IPO4: variants seen among roughly 807,000 people sequenced by gnomAD.
The protein encoded by IPO4 is importin-4.
In IPO4, 91 loss-of-function variants were observed where a neutral mutation model predicts 133.5. The ratio of observed to expected loss-of-function variants is 0.68; its 90% CI spans 0.58 to 0.81. IPO4 has a LOEUF of 0.81. Among genes scored for constraint, IPO4 ranks in the 30% least tolerant of loss-of-function variants. The probability of loss-of-function intolerance (pLI) is 0.00; values close to 1 mark genes in which losing one functional copy is unlikely to be tolerated. For synonymous variants in IPO4, 607 were observed against 581.6 expected (o/e 1.04, Z -0.63); for missense variants, 1,279 against 1,386.2 (o/e 0.92, Z 1.23).
At chr14:24,184,222 TGG>T (rs1184941922) in intron 17 of IPO4, 74 bp downstream of exon 17, 2 of 1,553,848 alleles carry the variant, frequency 1.3e-6, no homozygotes. Flanking sequence ...GAGTCTGGGG[TGG>T]GGATTCCAGT....
At chr14:24,187,181 A>G in intron 6 of IPO4, 31 bp from the exon 7 acceptor site, 1 of 1,605,148 alleles carries the variant, frequency 6.2e-7, no homozygotes. Context: ...AGCATGATGC[A>G]GCCCAATCTC....
chr14:24,182,669 G>A lies in IPO4; in HGVS notation c.2472+123C>T. ...GTGGGATCAGGGTTGTATCCCTCTG[G>A]CCATTACCAGTCTCTTTTAGTGGCC... is the stretch of plus-strand genomic sequence containing the variant. On this transcript the variant is annotated intron_variant, in intron 24 of 29. Transcript: ENST00000354464. 2.6e-6 allele frequency: 3 copies of A among 1,139,580 alleles called. No individual in the cohort carries two copies. The South Asian group carries it at 3.7e-5, about 14-fold the overall frequency. 70.6% of individuals were successfully genotyped at this position (1,139,580 alleles called of 1,614,324 possible). A position where few individuals can be genotyped will look rare whatever the true frequency, so the allele number is the denominator to read the frequency against.
intron 4 of IPO4, 139 bp from the exon 5 acceptor site, chr14:24,187,935 A>ACAG (rs2039249474): frequency 4.7e-6 from 5 of 1,063,874 alleles, no homozygotes; most frequent in Non-Finnish European, 6.8e-6. Context: ...GACACATGAG[A>ACAG]CAGCAGCTCA....
chr14:24,185,496 G>A lies in IPO4; in HGVS notation c.1241C>T (p.Ala414Val), dbSNP rs186177605. 5.0e-6 allele frequency: 8 copies of A among 1,614,180 alleles called. No homozygotes were observed. In the East Asian group the frequency reaches 6.7e-5, roughly 13 times the overall value. Residue 414 changes from alanine (A) to valine (V), a missense_variant, in exon 13 of 30, where the codon GCG becomes GTG. Physicochemically the swap from Ala to Val is moderately conservative, Grantham distance 64. Around this residue, in one of 3 missense-constraint regions of IPO4, gnomAD observed 695 missense variants for 704.1 expected, o/e 0.99. Transcript: ENST00000354464. ...EDPSQVVRNA[A>V]LFALGQFSEN... ...TGAGAACTGGCCCAGGGCAAACAGC[G>A]CAGCATTGCGTACAACTTGCGAGGG... is the stretch of plus-strand genomic sequence containing the variant.
intron 4 of IPO4, 171 bp from the exon 5 acceptor site, chr14:24,187,967 G>T: frequency 2.4e-6 from 2 of 817,462 alleles, no homozygotes; most frequent in Non-Finnish European, 3.8e-6. Context: ...ACAGCACTGT[G>T]GGCATGTAAT....
Position 24,188,204 on chromosome 14 carries a change from GTAGGTACT to G in IPO4, c.278+4_278+11del. On this transcript the variant is annotated splice_donor_5th_base_variant and intron_variant, in intron 4 of 29. Coordinates refer to ENST00000354464, the MANE Select transcript of IPO4 (RefSeq NM_024658.4). ...GTCGTCAAGATCCCGAGAGAAGTGG[GTAGGTACT>G]TACTCTGTTTCTCTCTGCAGGGCCG... 1 of 1,612,142 alleles carries G rather than the reference GTAGGTACT, an allele frequency of 6.2e-7. No individual in the cohort carries two copies. Among genetic ancestry groups the G allele is most frequent in the Non-Finnish European group, 8.5e-7 (1 of 1,178,896 alleles).
rs1288798504 is a variant in IPO4, at chr14:24,186,383, G to C, written c.909C>G (p.Pro303=). ...HTLFPIVAAE[P]PPGQLDPEDQ... Reference sequence around the variant, plus strand: ...CCTCGGGATCCAACTGGCCTGGTGGGGGCTCAGCAGCCACAATGGGGAAAA... The same window carrying C: ...CCTCGGGATCCAACTGGCCTGGTGGCGGCTCAGCAGCCACAATGGGGAAAA... The change falls in exon 10 of 30, where the codon CCC becomes CCG. Residue 303 remains proline, a synonymous_variant. Transcript: ENST00000354464. 1 of 1,612,836 alleles carries C rather than the reference G, an allele frequency of 6.2e-7. No individual in the cohort carries two copies. Among genetic ancestry groups the C allele is most frequent in the African/African-American group, 1.3e-5 (1 of 75,010 alleles).
At position 24,185,498 on chromosome 14, in the gene IPO4, A is replaced by G. The variant is rs1358164324; in HGVS notation, c.1239T>C (p.Ala413=). The G allele has an allele frequency of 6.2e-7, 1 of 1,614,108 alleles. No homozygotes were observed. The highest frequency in any genetic ancestry group is 1.7e-5 in the Admixed American group (1 of 60,016). The part of the protein sequence containing the change: ...LEDPSQVVRN[A]ALFALGQFSE... ...AGAACTGGCCCAGGGCAAACAGCGCAGCATTGCGTACAACTTGCGAGGGGT... is the reference window on the plus strand; with the variant it reads ...AGAACTGGCCCAGGGCAAACAGCGCGGCATTGCGTACAACTTGCGAGGGGT... The change falls in exon 13 of 30, where the codon GCT becomes GCC. Residue 413 remains alanine, a synonymous_variant. Transcript: ENST00000354464.
At position 24,183,465 on chromosome 14, in the gene IPO4, T is replaced by C. The variant is rs908606991; in HGVS notation, c.2112A>G (p.Lys704=). The stretch of plus-strand genomic sequence containing the variant: ...CCGCCGGCCCGCTCACCTCCAGCAG[T>C]TTAAATACTTCTTCAAAGACACTTT... The part of the protein sequence containing the change: ...YMESVFEEVF[K]LLECPHLNVR... Residue 704 remains lysine (K), a synonymous_variant, in exon 21 of 30, where the codon AAA becomes AAG. Coordinates refer to ENST00000354464, the MANE Select transcript of IPO4 (RefSeq NM_024658.4). 6.2e-7 allele frequency: 1 copy of C among 1,611,810 alleles called. No homozygotes were observed. The highest frequency in any genetic ancestry group is 8.5e-7 in the Non-Finnish European group (1 of 1,178,668).
Position 24,186,974 on chromosome 14 carries a change from C to T in IPO4, c.660G>A (p.Lys220=). Residue 220 remains lysine, a synonymous_variant, in exon 8 of 30, where the codon AAG becomes AAA. Transcript: ENST00000354464. The stretch of plus-strand genomic sequence containing the variant: ...CCAAAGCCTCAAGGGCCTCACAGGC[C>T]TTTGCCTGACAGACAAACAAGGCAC... The part of the protein sequence containing the change: ...MQTLIPIDEA[K]ACEALEALDE... 6.2e-7 allele frequency: 1 copy of T among 1,614,040 alleles called. No homozygotes were observed. Among genetic ancestry groups the T allele is most frequent in the African/African-American group, 1.3e-5 (1 of 75,028 alleles).
At chr14:24,183,413 C>T in intron 21 of IPO4, 43 bp downstream of exon 21, 1 of 1,596,584 alleles carries the variant, frequency 6.3e-7, no homozygotes, top group Non-Finnish European at 8.5e-7. Context: ...CACAGGGCCC[C>T]CAGCCTGAGA....
chr14:24,181,810 G>T lies in IPO4; in HGVS notation c.2841C>A (p.Pro947=). 6.3e-7 allele frequency: 1 copy of T among 1,597,834 alleles called. No individual in the cohort carries two copies. ...GATCATGTCGCTCCCGCGCCAGGAGGGGAAAAAGGAGCCCCAGCAGCTTGG... is the reference window on the plus strand; with the variant it reads ...GATCATGTCGCTCCCGCGCCAGGAGTGGAAAAAGGAGCCCCAGCAGCTTGG... ...HFPKLLGLLF[P]LLARERHDRV... The change falls in exon 27 of 30, where the codon CCC becomes CCA. Residue 947 remains proline (P), a synonymous_variant. Coordinates refer to ENST00000354464, the MANE Select transcript of IPO4 (RefSeq NM_024658.4).
chr14:24,186,737 G>T lies in IPO4; in HGVS notation c.811C>A (p.Leu271Ile), dbSNP rs1306019703. The T allele has an allele frequency of 6.2e-7, 1 of 1,614,176 alleles. No homozygotes were observed. The highest frequency in any genetic ancestry group is 1.7e-5 in the Admixed American group (1 of 60,026). ...CTCTTGACTTTGACCAAGAAAGTGAGGCAGCAGAGAATACGTATGCGTATC... is the reference window on the plus strand; with the variant it reads ...CTCTTGACTTTGACCAAGAAAGTGATGCAGCAGAGAATACGTATGCGTATC... ...NAIRIRILCCLTFLVKVKSKA... is the reference protein window; with the variant it reads ...NAIRIRILCCITFLVKVKSKA... Residue 271 changes from leucine (L) to isoleucine (I), a missense_variant, in exon 9 of 30, where the codon CTC becomes ATC. Leu to Ile is a conservative substitution (Grantham distance 5, BLOSUM62 2). Transcript: ENST00000354464.
Position 24,188,592 on chromosome 14 carries a change from G to C in IPO4, c.116C>G (p.Pro39Arg). 1 of 1,613,182 alleles carries C rather than the reference G, an allele frequency of 6.2e-7. No homozygotes were observed. The highest frequency in any genetic ancestry group is 8.5e-7 in the Non-Finnish European group (1 of 1,179,758). ...QIVLRAPAAL[P>R]ALCDLLASAA... Reference sequence around the variant, plus strand: ...CGAGGCTAGCAGGTCGCAGAGAGCCGGCAAAGCGGCGGGGGCCCGAAGAAC... The same window carrying C: ...CGAGGCTAGCAGGTCGCAGAGAGCCCGCAAAGCGGCGGGGGCCCGAAGAAC... Residue 39 changes from proline to arginine, a missense_variant, in exon 2 of 30, where the codon CCG becomes CGG. By Grantham distance (103) the Pro-to-Arg change is moderately radical (BLOSUM62 -2). Transcript: ENST00000354464.
chr14:24,182,995 T>C lies in IPO4; in HGVS notation c.2402A>G (p.Lys801Arg). Residue 801 changes from lysine (K) to arginine (R), a missense_variant, in exon 23 of 30, where the codon AAG (lysine) becomes AGG (arginine). Physicochemically the swap from Lys to Arg is conservative, Grantham distance 26 (BLOSUM62 2). Coordinates refer to ENST00000354464, the MANE Select transcript of IPO4 (RefSeq NM_024658.4). ...GRLAELCGVLKAVLQRKTACQ... is the reference protein window; with the variant it reads ...GRLAELCGVLRAVLQRKTACQ... ...GCTCACCTTCCTCTGCAGCACAGCC[T>C]TGAGCACGCCACAGAGCTCAGCGAG... 6.2e-7 allele frequency: 1 copy of C among 1,613,646 alleles called. No homozygotes were observed. Among genetic ancestry groups the C allele is most frequent in the Non-Finnish European group, 8.5e-7 (1 of 1,179,782 alleles).
rs752766780 is a variant in IPO4 at position 24,183,906 on chromosome 14, G to A, written c.1870-8C>T. On this transcript the variant is annotated splice_polypyrimidine_tract_variant and splice_region_variant and intron_variant, in intron 18 of 29. Transcript: ENST00000354464. The stretch of plus-strand genomic sequence containing the variant: ...GCTCCCGTCATACTGAGGCTGGAGC[G>A]GAGGCACGGCAAGGACTTTGGCTCA... The A allele has an allele frequency of 1.9e-5, 31 of 1,613,850 alleles. No homozygotes were observed. Among genetic ancestry groups the A allele is most frequent in the Admixed American group, 1.5e-4 (9 of 60,006 alleles).
At chr14:24,187,291 G>T in intron 6 of IPO4, 109 bp downstream of exon 6, 1 of 1,477,752 alleles carries the variant, frequency 6.8e-7, no homozygotes, top group Non-Finnish European at 9.4e-7. Flanking sequence ...CAATTGTCAG[G>T]AAGGGCCACA....
Position 24,185,259 on chromosome 14 carries a change from C to G in IPO4, c.1332G>C (p.Leu444Phe). 1 of 1,614,166 alleles carries G rather than the reference C, an allele frequency of 6.2e-7. No individual in the cohort carries two copies. Among genetic ancestry groups the G allele is most frequent in the Non-Finnish European group, 8.5e-7 (1 of 1,180,024 alleles). The change falls in exon 14 of 30, where the codon TTG becomes TTC. Residue 444 changes from leucine to phenylalanine, a missense_variant. Physicochemically the swap from Leu to Phe is conservative, Grantham distance 22. Around this residue, in one of 3 missense-constraint regions of IPO4, gnomAD observed 695 missense variants for 704.1 expected, o/e 0.99. Coordinates refer to ENST00000354464, the MANE Select transcript of IPO4 (RefSeq NM_024658.4). ...REVMPLLLAYLKSVPLGHTHH... is the reference protein window; with the variant it reads ...REVMPLLLAYFKSVPLGHTHH... ...GTGTGTGTCCAAGAGGCACCGACTT[C>G]AAGTAGGCGAGGAGCAGTGGCATTA...
Position 24,184,780 on chromosome 14 carries a change from C to T in IPO4, c.1523-17G>A, listed in dbSNP as rs1364282790. The T allele has an allele frequency of 1.2e-6, 2 of 1,609,246 alleles. No individual in the cohort carries two copies. Among genetic ancestry groups the T allele is most frequent in the Non-Finnish European group, 8.5e-7 (1 of 1,176,710 alleles). ...CAGCCGTAGCTGCAGGATGGAAGGA[C>T]AGAATCAGAGCTGGAGAGGGCAGGG... is the stretch of plus-strand genomic sequence containing the variant. On this transcript the variant is annotated splice_polypyrimidine_tract_variant and intron_variant, in intron 15 of 29. Transcript: ENST00000354464.
Sources: allele counts gnomAD v4.1 joint callset, GRCh38; gene constraint gnomAD v4.1.1; regional missense constraint gnomAD v4.1.1; transcripts MANE v1.5; gene names NCBI Gene and HGNC (gene_info 2026-07-23, HGNC 2026-07-21).